The following PRPF3 variants were observed in gnomAD, a reference collection of about 807,000 sequenced individuals.
PRPF3 encodes pre-mRNA processing factor 3.
PRPF3 carries 3 observed loss-of-function variants against 89.2 expected under a neutral mutation model. The ratio of observed to expected loss-of-function variants is 0.03; its 90% CI spans 0.02 to 0.09. PRPF3 has a LOEUF of 0.09. PRPF3 is among the 10% of genes least tolerant of loss of function. The probability of loss-of-function intolerance (pLI) is 1.00; values close to 1 mark genes in which losing one functional copy is unlikely to be tolerated. For missense variants in PRPF3, 463 were observed against 828.8 expected (o/e 0.56, Z 5.42); for synonymous variants, 270 against 289.1 (o/e 0.93, Z 0.67).
At position 150,342,648 on chromosome 1, in the gene PRPF3, G is replaced by A. The variant is rs868961693; in HGVS notation, c.1283-661G>A. Among the ~76,000 whole-genome samples the A allele has an allele frequency of 2.0e-5, 3 of 151,752 alleles. No homozygotes were observed. The South Asian group carries it at 6.2e-4, about 32-fold the overall frequency. On this transcript the variant is annotated intron_variant, in intron 9 of 15. Coordinates refer to ENST00000324862, the MANE Select transcript of PRPF3 (RefSeq NM_004698.4). ...AGTGATTCTCCTGCCTCAGCCTCCCGAGTAGCTGGGACTACAGGTGCGTGC... is the reference window on the plus strand; with the variant it reads ...AGTGATTCTCCTGCCTCAGCCTCCCAAGTAGCTGGGACTACAGGTGCGTGC...
chr1:150,323,286 C>T lies in PRPF3; in HGVS notation c.-48-1609C>T, dbSNP rs893545417. 2.9e-5 allele frequency among the ~76,000 whole-genome samples: 4 copies of T among 135,866 alleles called. No homozygotes were observed. The East Asian group carries it at 9.8e-4, about 33-fold the overall frequency. The allele number at this position is 135,866 out of a possible 152,430, so 89.1% of individuals were successfully genotyped here. A position where few individuals can be genotyped will look rare whatever the true frequency, so the allele number is the denominator to read the frequency against. ...CCGCCTCCTGGGTTCAAGTGATTTT[C>T]CTGCCTCTGCCTCATAAGTAGCTGG... is the stretch of plus-strand genomic sequence containing the variant. On this transcript the variant is annotated intron_variant, in intron 1 of 15. Transcript: ENST00000324862.
intron 12 of PRPF3, chr1:150,345,728 A>T: frequency 5.0e-6 from 2 of 403,442 alleles, no homozygotes; most frequent in South Asian, 2.1e-5. Context: ...GAACAATGAG[A>T]TTGTAAGTAT....
chr1:150,350,871 A>T (rs1194594739), intron 15 of PRPF3, among the ~76,000 whole-genome samples: 1 of 151,614 alleles, frequency 6.6e-6, no homozygotes, highest in African/African-American at 2.4e-5. Context: ...TGAGGTGGGA[A>T]GATTGCTTCA....
intron 14 of PRPF3, among the ~76,000 whole-genome samples, chr1:150,347,515 G>C (rs1444160867): frequency 6.6e-6 from 1 of 152,084 alleles, no homozygotes; most frequent in African/African-American, 2.4e-5. Context: ...CAGATCATTT[G>C]AGGTCAGGAG....
intron 4 of PRPF3, 30 bp from the exon 5 acceptor site, chr1:150,332,654 C>T (rs781875376): frequency 1.2e-5 from 19 of 1,604,162 alleles, no homozygotes; most frequent in African/African-American, 2.7e-5. Context: ...GAGAAATTAA[C>T]AGTTTTTCAA....
At chr1:150,334,430 C>T (rs992619622) in intron 6 of PRPF3, among the ~76,000 whole-genome samples, 6 of 152,030 alleles carry the variant, frequency 3.9e-5, no homozygotes, top group Admixed American at 6.6e-5. Flanking sequence ...GCAGTGATCT[C>T]GGCTCCCTGC....
intron 15 of PRPF3, 46 bp downstream of exon 15, chr1:150,349,264 G>C (rs1215336767): frequency 7.4e-7 from 1 of 1,353,128 alleles, no homozygotes; most frequent in Admixed American, 1.7e-5. Context: ...GCCAACTCCT[G>C]AATATTTATA....
In PRPF3 at chr1:150,353,052, C is replaced by A. The variant is rs1553874802; in HGVS notation, c.*73C>A. 6.3e-7 allele frequency: 1 copy of A among 1,582,610 alleles called. No individual in the cohort carries two copies. Among genetic ancestry groups the A allele is most frequent in the Non-Finnish European group, 8.7e-7 (1 of 1,152,920 alleles). On this transcript the variant is annotated 3_prime_UTR_variant, in exon 16 of 16. Transcript: ENST00000324862. Reference sequence around the variant, plus strand: ...TCCTCTCACTTATTCTATTTCCCAACCCCCTCCCACTTGTTTGTGTGATCT... The same window carrying A: ...TCCTCTCACTTATTCTATTTCCCAAACCCCTCCCACTTGTTTGTGTGATCT...
At chr1:150,332,607 T>C in intron 4 of PRPF3, 77 bp from the exon 5 acceptor site, 1 of 1,385,766 alleles carries the variant, frequency 7.2e-7, no homozygotes, top group East Asian at 2.3e-5. Context: ...CCTGAGAGCC[T>C]TGTGGGTTTA....
Position 150,344,072 on chromosome 1 carries a change from A to G in PRPF3, c.1427-90A>G, listed in dbSNP as rs1658048523. ...TTAGAGCAGAGATTTGAAATAGGTA[A>G]ATAATATGAATTGGTATGGAAGAAA... On this transcript the variant is annotated intron_variant, in intron 10 of 15. Transcript: ENST00000324862. The G allele has an allele frequency of 2.6e-6, 3 of 1,132,388 alleles. No homozygotes were observed. In the Admixed American group the frequency reaches 5.5e-5, roughly 21 times the overall value. 70.1% of individuals were successfully genotyped at this position (1,132,388 alleles called of 1,614,324 possible). A position where few individuals can be genotyped will look rare whatever the true frequency, so the allele number is the denominator to read the frequency against.
chr1:150,346,500 G>C lies in PRPF3; in HGVS notation c.1843+9G>C. ...TAACACAAAGGGAGATGGTGAATGG[G>C]GGTTAGAGGGGATTAAGGGGGAGAG... On this transcript the variant is annotated intron_variant, in intron 14 of 15. Coordinates refer to ENST00000324862, the MANE Select transcript of PRPF3 (RefSeq NM_004698.4). The C allele has an allele frequency of 6.2e-7, 1 of 1,604,758 alleles. No homozygotes were observed. The highest frequency in any genetic ancestry group is 8.5e-7 in the Non-Finnish European group (1 of 1,171,554).
In PRPF3 at chr1:150,352,899, C is replaced by G; in HGVS notation, c.1972C>G (p.Arg658Gly). 1 of 1,614,130 alleles carries G rather than the reference C, an allele frequency of 6.2e-7. No individual in the cohort carries two copies. Among genetic ancestry groups the G allele is most frequent in the Non-Finnish European group, 8.5e-7 (1 of 1,180,018 alleles). ...FKQCPTENMA[R>G]EHFKKHGAEH... is the part of the protein sequence containing the mutation. The stretch of plus-strand genomic sequence containing the variant: ...ACAGTGTCCTACAGAGAACATGGCT[C>G]GTGAGCATTTCAAAAAGCATGGGGC... Residue 658 changes from arginine (R) to glycine (G), a missense_variant, in exon 16 of 16, where the codon CGT becomes GGT. By Grantham distance (125) the Arg-to-Gly change is moderately radical. This residue lies in a region of PRPF3 where 78 missense variants were observed against 96.6 expected (regional missense o/e 0.81). Transcript: ENST00000324862.
intron 9 of PRPF3, among the ~76,000 whole-genome samples, chr1:150,341,377 A>G (rs1488719481): frequency 6.7e-6 from 1 of 150,372 alleles, no homozygotes; most frequent in East Asian, 1.9e-4. Flanking sequence ...CCAAAGTTGA[A>G]ACTGGGAAAC....
intron 4 of PRPF3, among the ~76,000 whole-genome samples, chr1:150,331,967 G>T (rs187838181): frequency 3.3e-5 from 5 of 152,108 alleles, no homozygotes; most frequent in Middle Eastern, 6.8e-3. Flanking sequence ...GCTCACACCT[G>T]TAATCCCAGC....
chr1:150,323,351 AT>A (rs1309378985), intron 1 of PRPF3, among the ~76,000 whole-genome samples: 1 of 151,440 alleles, frequency 6.6e-6, no homozygotes, highest in Non-Finnish European at 1.5e-5. Context: ...TAATTTTTGT[AT>A]TTTTAGTAGA....
At chr1:150,343,190 T>G in intron 9 of PRPF3, 119 bp from the exon 10 acceptor site, 2 of 538,826 alleles carry the variant, frequency 3.7e-6, no homozygotes, top group Non-Finnish European at 5.3e-6. Context: ...TACAGTGAGC[T>G]GAGATCGTGC....
intron 6 of PRPF3, among the ~76,000 whole-genome samples, chr1:150,334,305 C>CA (rs781849466): frequency 1.0e-4 from 15 of 149,764 alleles, no homozygotes; most frequent in Admixed American, 2.0e-4. Context: ...GACCATGTCT[C>CA]AAAAAAAAAG....
intron 9 of PRPF3, 34 bp from the exon 10 acceptor site, chr1:150,343,275 A>C: frequency 2.0e-6 from 3 of 1,467,870 alleles, no homozygotes; most frequent in Non-Finnish European, 2.8e-6. Flanking sequence ...ATGTATTCTT[A>C]CTGCTTTGGT....
intron 7 of PRPF3, among the ~76,000 whole-genome samples, chr1:150,337,287 C>A (rs914810817): frequency 1.3e-5 from 2 of 151,798 alleles, no homozygotes; most frequent in Non-Finnish European, 2.9e-5. Context: ...GATCCTCCCG[C>A]CTCGGCCTCT....
Sources: gnomAD v4.1 joint callset for allele counts (sites outside exome capture counted in the v4.1 genomes callset) on GRCh38, gnomAD v4.1.1 for gene constraint, gnomAD v4.1.1 regional missense constraint, MANE v1.5 for transcripts, NCBI Gene and HGNC (gene_info 2026-07-23, HGNC 2026-07-21) for gene names.